Variants in FGF14 observed in about 807,000 individuals in gnomAD.
FGF14 encodes fibroblast growth factor 14, also known as fibroblast growth factor homologous factor 4.
Under a neutral mutation model 25.5 loss-of-function variants are expected in FGF14, and 5 were observed. That is an observed-to-expected ratio of 0.20 (90% CI 0.10 to 0.41). FGF14 has a LOEUF of 0.41. FGF14 is among the 10% of genes least tolerant of loss of function. FGF14 has a pLI of 1.00. For missense variants in FGF14, 222 were observed against 320.1 expected (o/e 0.69, Z 2.34); for synonymous variants, 138 against 118.3 (o/e 1.17, Z -1.08).
intron 1 of FGF14, among the ~76,000 whole-genome samples, chr13:101,995,479 T>C (rs1458423572): frequency 6.6e-6 from 1 of 152,220 alleles, no homozygotes; most frequent in Non-Finnish European, 1.5e-5. Context: ...GTTTACTTTA[T>C]AACATACACT....
At chr13:102,256,092 C>G (rs1471485916) in intron 1 of FGF14, among the ~76,000 whole-genome samples, 2 of 152,124 alleles carry the variant, frequency 1.3e-5, no homozygotes, top group African/African-American at 4.8e-5. Flanking sequence ...ATTACTCAAA[C>G]TCTAAATCAG....
chr13:102,340,233 AC>A (rs1261537465), intron 1 of FGF14, among the ~76,000 whole-genome samples: 54 of 152,276 alleles, frequency 3.5e-4, no homozygotes, highest in African/African-American at 1.3e-3. Context: ...GCCCATCCCC[AC>A]ATCTTTTGCC....
chr13:101,715,229 A>G lies in FGF14; in HGVS notation c.*7602T>C. On this transcript the variant is annotated 3_prime_UTR_variant, in exon 5 of 5. Transcript: ENST00000376143. ...TGGCCTGCCTCATGTTATGTCAAAG[A>G]GCCTTATGTTTTTCTGTATTTATTC... is the stretch of plus-strand genomic sequence containing the variant. 4.6e-6 allele frequency: 1 copy of G among 217,014 alleles called. No individual in the cohort carries two copies. Among genetic ancestry groups the G allele is most frequent in the Non-Finnish European group, 9.2e-6 (1 of 108,186 alleles). 13.4% of individuals were successfully genotyped at this position (217,014 alleles called of 1,614,324 possible). A position where few individuals can be genotyped will look rare whatever the true frequency, so the allele number is the denominator to read the frequency against.
chr13:102,007,036 G>A (rs1322448947), intron 1 of FGF14, among the ~76,000 whole-genome samples: 4 of 152,156 alleles, frequency 2.6e-5, no homozygotes, highest in East Asian at 1.9e-4. Flanking sequence ...GAGCCACCGC[G>A]CCCGGCCAAA....
chr13:102,199,566 G>C (rs2049519095), intron 1 of FGF14, among the ~76,000 whole-genome samples: 1 of 152,166 alleles, frequency 6.6e-6, no homozygotes, highest in Non-Finnish European at 1.5e-5. Context: ...TCATTACAAA[G>C]TCTTTCCAAA....
intron 1 of FGF14, among the ~76,000 whole-genome samples, chr13:102,385,756 T>G (rs925418161): frequency 6.6e-6 from 1 of 152,152 alleles, no homozygotes; most frequent in Non-Finnish European, 1.5e-5. Flanking sequence ...ATGGGGTAAG[T>G]GCACAAACAC....
intron 3 of FGF14, among the ~76,000 whole-genome samples, chr13:101,863,373 A>G (rs980171181): frequency 2.6e-5 from 4 of 152,124 alleles, no homozygotes; most frequent in Non-Finnish European, 4.4e-5. Context: ...TCTGCCTGCA[A>G]TGGATGTTGA....
chr13:102,379,619 T>C (rs2139165378), intron 1 of FGF14, among the ~76,000 whole-genome samples: 1 of 152,212 alleles, frequency 6.6e-6, no homozygotes, highest in East Asian at 1.9e-4. Context: ...TTTCTGAATG[T>C]AACACGTGCA....
intron 1 of FGF14, among the ~76,000 whole-genome samples, chr13:101,948,709 GGTTT>G (rs1207114147): frequency 5.9e-5 from 9 of 151,746 alleles, no homozygotes; most frequent in African/African-American, 1.9e-4. Flanking sequence ...TAAATAAAAA[GGTTT>G]TTTTAATTAT....
chr13:101,893,827 T>C (rs1402632296), intron 1 of FGF14, among the ~76,000 whole-genome samples: 2 of 152,028 alleles, frequency 1.3e-5, no homozygotes, highest in African/African-American at 4.8e-5. Flanking sequence ...ATAATCAGTT[T>C]ATGTTCTTTC....
At chr13:102,166,251 A>G (rs567466796) in intron 1 of FGF14, among the ~76,000 whole-genome samples, 1 of 152,026 alleles carries the variant, frequency 6.6e-6, no homozygotes, top group African/African-American at 2.4e-5. Context: ...TGTATTTGCA[A>G]ATTTGCCATT....
At chr13:102,183,335 C>T (rs2048750627) in intron 1 of FGF14, among the ~76,000 whole-genome samples, 1 of 152,076 alleles carries the variant, frequency 6.6e-6, no homozygotes, top group African/African-American at 2.4e-5. Flanking sequence ...TTAATCACAA[C>T]ACTTGCAGTT....
intron 1 of FGF14, among the ~76,000 whole-genome samples, chr13:102,009,488 G>A (rs986102171): frequency 6.6e-6 from 1 of 151,974 alleles, no homozygotes; most frequent in Non-Finnish European, 1.5e-5. Flanking sequence ...CTATACACAT[G>A]TTCTAAATTA....
chr13:102,066,728 G>A (rs2607652), intron 1 of FGF14, among the ~76,000 whole-genome samples: 5,095 of 152,192 alleles, frequency 0.033, 256 homozygotes, highest in African/African-American at 0.12. Context: ...CTAACTAAGT[G>A]ATAATTATTA....
intron 1 of FGF14, chr13:102,373,375 T>A (rs1334648601): frequency 6.6e-6 from 1 of 152,170 alleles, no homozygotes; most frequent in African/African-American, 2.4e-5. Flanking sequence ...GGTAAATATG[T>A]AAGGTACATG....
chr13:102,161,570 A>AAGAAGAAGAAAGAAGAAGAAAGAAGAAG, intron 1 of FGF14, among the ~76,000 whole-genome samples: 2 of 5,652 alleles, frequency 3.5e-4, no homozygotes, highest in South Asian at 0.016. Context: ...TTCTGTGAAG[A>AAGAAGAAGAAAGAAGAAGAAAGAAGAAG]AAGAAAGAAG....
At chr13:102,066,189 A>G (rs957230460) in intron 1 of FGF14, among the ~76,000 whole-genome samples, 1 of 152,144 alleles carries the variant, frequency 6.6e-6, no homozygotes, top group African/African-American at 2.4e-5. Flanking sequence ...TTATAGTAGA[A>G]TGCCCAGAAT....
chr13:101,751,447 G>A (rs1381759393), intron 3 of FGF14, among the ~76,000 whole-genome samples: 3 of 152,106 alleles, frequency 2.0e-5, no homozygotes, highest in Admixed American at 6.6e-5. Context: ...CAGAACTGTC[G>A]TAGGTGCTGC....
At chr13:102,234,579 A>T (rs2051242497) in intron 1 of FGF14, among the ~76,000 whole-genome samples, 1 of 152,062 alleles carries the variant, frequency 6.6e-6, no homozygotes. Context: ...ACTATAATTA[A>T]AAATAAAATA....
Sources: allele counts gnomAD v4.1 joint callset (sites outside exome capture counted in the v4.1 genomes callset), GRCh38; gene constraint gnomAD v4.1.1; transcripts MANE v1.5; gene names NCBI Gene and HGNC (gene_info 2026-07-23, HGNC 2026-07-21).